PCDH15: variants seen among roughly 807,000 people sequenced by gnomAD.
PCDH15 encodes the protein protocadherin related 15, also known as protocadherin-15.
Under a neutral mutation model 178.5 loss-of-function variants are expected in PCDH15, and 129 were observed. The ratio of observed to expected loss-of-function variants is 0.72; its 90% CI spans 0.63 to 0.84. The LOEUF (loss-of-function observed/expected upper bound fraction) is 0.84. Among genes scored for constraint, PCDH15 ranks in the 40% least tolerant of loss-of-function variants. The pLI, the probability that PCDH15 is intolerant of heterozygous loss-of-function variation, is 0.00. For missense variants in PCDH15, 2,230 were observed against 2,099.9 expected, an observed-to-expected ratio of 1.06 and a Z score of -1.21; for synonymous variants, 800 against 732.0, an observed-to-expected ratio of 1.09 and a Z score of -1.50.
rs140873747 is a variant in PCDH15 at position 53,963,017 on chromosome 10, G to T, written c.2869-1125C>A. ...AAATTACAACATTAACTTCTTCAGA[G>T]AAAGAAACACTCCTATTTGGCATTA... On this transcript the variant is annotated intron_variant, in intron 21 of 37. Transcript: ENST00000644397. 3.3e-5 allele frequency among the ~76,000 whole-genome samples: 5 copies of T among 152,274 alleles called. No individual in the cohort carries two copies. In the East Asian group the frequency reaches 9.7e-4, roughly 29 times the overall value.
chr10:54,300,296 C>G (rs1230541180), intron 8 of PCDH15, among the ~76,000 whole-genome samples: 3 of 152,224 alleles, frequency 2.0e-5, no homozygotes. Context: ...TCTCCACTTT[C>G]TAGGTCCGGT....
At chr10:55,574,744 G>T (rs919731405) in intron 2 of PCDH15, among the ~76,000 whole-genome samples, 2 of 151,902 alleles carry the variant, frequency 1.3e-5, no homozygotes, top group African/African-American at 4.8e-5. Context: ...AGACAATAAA[G>T]ATTTTATGTC....
intron 1 of PCDH15, among the ~76,000 whole-genome samples, chr10:54,800,004 G>T (rs1483787226): frequency 6.6e-6 from 1 of 151,976 alleles, no homozygotes; most frequent in African/African-American, 2.4e-5. Context: ...TTAAGTATTT[G>T]GTTACTAGAT....
chr10:54,964,543 G>C (rs868471431), intron 2 of PCDH15, among the ~76,000 whole-genome samples: 12 of 152,070 alleles, frequency 7.9e-5, no homozygotes, highest in African/African-American at 2.9e-4. Flanking sequence ...TCTCAAAATT[G>C]TATAAAGTGT....
chr10:54,076,817 C>T (rs1444471638), intron 17 of PCDH15, among the ~76,000 whole-genome samples: 2 of 152,034 alleles, frequency 1.3e-5, no homozygotes, highest in East Asian at 1.9e-4. Context: ...CGTGTATTCT[C>T]ATGATCAAAT....
chr10:54,670,865 A>T (rs1167733495), intron 1 of PCDH15, among the ~76,000 whole-genome samples: 4 of 152,142 alleles, frequency 2.6e-5, no homozygotes, highest in African/African-American at 9.6e-5. Context: ...AGCATGCACT[A>T]CATTTCATAT....
At chr10:55,396,789 G>A (rs748836991) in intron 2 of PCDH15, among the ~76,000 whole-genome samples, 4 of 152,062 alleles carry the variant, frequency 2.6e-5, no homozygotes, top group African/African-American at 4.8e-5. Context: ...TAGCAAAAAC[G>A]TTCCTAAAGG....
intron 3 of PCDH15, among the ~76,000 whole-genome samples, chr10:54,830,078 A>G (rs1025999142): frequency 6.6e-5 from 10 of 152,002 alleles, no homozygotes; most frequent in East Asian, 1.9e-4. Context: ...ATCAAAGTCT[A>G]TTTTGCTTCT....
At chr10:55,520,505 GTATATGTGTGTGTGTGTGTA>G (rs1229711585) in intron 2 of PCDH15, among the ~76,000 whole-genome samples, 1 of 135,370 alleles carries the variant, frequency 7.4e-6, no homozygotes, top group Non-Finnish European at 1.6e-5. Flanking sequence ...GTGTGTGTGT[GTATATGTGTGTGTGTGTGTA>G]TATATATATG....
chr10:54,613,130 C>T (rs78484233), intron 2 of PCDH15, among the ~76,000 whole-genome samples: 44 of 151,836 alleles, frequency 2.9e-4, no homozygotes, highest in African/African-American at 1.0e-3. Flanking sequence ...TAGGGAAACA[C>T]GGCATTGCTA....
At position 54,808,104 on chromosome 10, in the gene PCDH15, G is replaced by C. The variant is rs567460772; in HGVS notation, c.-29+89346C>G. Among the ~76,000 whole-genome samples the C allele has an allele frequency of 4.6e-5, 7 of 152,088 alleles. No individual in the cohort carries two copies. The South Asian group carries it at 1.5e-3, about 32-fold the overall frequency. On this transcript the variant is annotated intron_variant, in intron 3 of 5. Transcript: ENST00000458638. ...TAAATATTATCTTTAGATAAAATGA[G>C]ACAAATCACTGATGTCTGCTGTAAC... is the stretch of plus-strand genomic sequence containing the variant.
In PCDH15 at chr10:55,334,313, TA is replaced by T. The variant is rs1404777835; in HGVS notation, c.-155-167663del. 6.5e-4 allele frequency among the ~76,000 whole-genome samples: 81 copies of T among 124,834 alleles called. 3 individuals carry two copies. Among genetic ancestry groups the T allele is most frequent in the Middle Eastern group, 3.9e-3 (1 of 256 alleles). 81.9% of individuals were successfully genotyped at this position (124,834 alleles called of 152,430 possible). A position where few individuals can be genotyped will look rare whatever the true frequency, so the allele number is the denominator to read the frequency against. ...GTGTATATATCTATATATATATATA[TA>T]TTTTTTTTTTGAGACAGAGTTTCGC... On this transcript the variant is annotated intron_variant, in intron 2 of 5. Coordinates refer to the PCDH15 transcript ENST00000613346.
At chr10:55,109,246 G>A (rs1313190598) in intron 2 of PCDH15, among the ~76,000 whole-genome samples, 1 of 152,156 alleles carries the variant, frequency 6.6e-6, no homozygotes, top group Non-Finnish European at 1.5e-5. Context: ...GGAGTTTATC[G>A]AAGAATGTGT....
chr10:55,143,572 A>AAAAT (rs780277921), intron 2 of PCDH15, among the ~76,000 whole-genome samples: 2 of 152,012 alleles, frequency 1.3e-5, no homozygotes, highest in Admixed American at 6.6e-5. Flanking sequence ...GTGTTTTGCA[A>AAAAT]AAATAAATAA....
intron 2 of PCDH15, among the ~76,000 whole-genome samples, chr10:55,137,725 G>A (rs1237009668): frequency 6.6e-6 from 1 of 152,002 alleles, no homozygotes; most frequent in Non-Finnish European, 1.5e-5. Context: ...CCTCGGTCAG[G>A]AACAAGCTTT....
chr10:54,421,693 T>TATAC (rs1346156229), intron 3 of PCDH15, among the ~76,000 whole-genome samples: 1,221 of 115,854 alleles, frequency 0.011, 55 homozygotes, highest in East Asian at 0.077. Context: ...TATATATATA[T>TATAC]ACACACACAC....
At chr10:54,974,981 G>C (rs1377410697) in intron 2 of PCDH15, among the ~76,000 whole-genome samples, 3 of 152,070 alleles carry the variant, frequency 2.0e-5, no homozygotes, top group African/African-American at 7.2e-5. Flanking sequence ...TAAGACCTCA[G>C]GTCAAGTCCT....
intron 2 of PCDH15, among the ~76,000 whole-genome samples, chr10:55,004,679 A>G (rs1446532626): frequency 6.6e-6 from 1 of 152,088 alleles, no homozygotes; most frequent in East Asian, 1.9e-4. Flanking sequence ...AGTTGAAGAG[A>G]TGGATTTGAG....
intron 2 of PCDH15, among the ~76,000 whole-genome samples, chr10:55,551,072 T>C (rs998345979): frequency 6.6e-6 from 1 of 152,056 alleles, no homozygotes; most frequent in Admixed American, 6.6e-5. Flanking sequence ...AATAGGCACA[T>C]ACTTAATATT....
Sources: allele counts gnomAD v4.1 joint callset (sites outside exome capture counted in the v4.1 genomes callset), GRCh38; gene constraint gnomAD v4.1.1; transcripts MANE v1.5; gene names NCBI Gene and HGNC (gene_info 2026-07-23, HGNC 2026-07-21).